The following BLNK variants were observed in gnomAD, a reference collection of about 807,000 sequenced individuals.
BLNK encodes B cell linker, also known as B-cell linker protein.
In BLNK, 29 loss-of-function variants were observed where a neutral mutation model predicts 73.5. The ratio of observed to expected loss-of-function variants is 0.39; its 90% CI spans 0.29 to 0.54. BLNK has a LOEUF of 0.54. Among genes scored for constraint, BLNK ranks in the 20% least tolerant of loss-of-function variants. The probability of loss-of-function intolerance (pLI) is 0.61; values close to 1 mark genes in which losing one functional copy is unlikely to be tolerated. For missense variants in BLNK, 460 were observed against 562.8 expected, an observed-to-expected ratio of 0.82 and a Z score of 1.85; for synonymous variants, 176 against 200.8, an observed-to-expected ratio of 0.88 and a Z score of 1.04.
intron 1 of BLNK, among the ~76,000 whole-genome samples, chr10:96,269,493 C>A (rs1554915040): frequency 6.6e-6 from 1 of 151,802 alleles, no homozygotes; most frequent in Non-Finnish European, 1.5e-5. Flanking sequence ...TTTGCCATGT[C>A]TTTCTGCCCT....
intron 5 of BLNK, among the ~76,000 whole-genome samples, chr10:96,224,913 G>A (rs111920434): frequency 0.014 from 2,104 of 152,098 alleles, 45 homozygotes; most frequent in African/African-American, 0.048. Context: ...GGCCAGGCTG[G>A]TTTTGAACTC....
At chr10:96,227,738 C>T (rs1554902924) in intron 4 of BLNK, among the ~76,000 whole-genome samples, 172 bp from the exon 5 acceptor site, 2 of 152,216 alleles carry the variant, frequency 1.3e-5, no homozygotes, top group Non-Finnish European at 2.9e-5. Context: ...TGAAGCAGGC[C>T]TTTCTGCCTC....
chr10:96,271,248 A>G, intron 1 of BLNK, 104 bp downstream of exon 1: 5 of 1,375,842 alleles, frequency 3.6e-6, no homozygotes, highest in Non-Finnish European at 5.2e-6. Flanking sequence ...CACCCACTGG[A>G]AACTAGCAAA....
At chr10:96,263,673 G>A (rs1554913526) in intron 1 of BLNK, among the ~76,000 whole-genome samples, 3 of 152,138 alleles carry the variant, frequency 2.0e-5, no homozygotes, top group African/African-American at 7.2e-5. Context: ...GAGGAGGAGG[G>A]GCTTGTGGGG....
At chr10:96,195,266 A>G (rs1807139805) in intron 16 of BLNK, among the ~76,000 whole-genome samples, 1 of 152,226 alleles carries the variant, frequency 6.6e-6, no homozygotes, top group African/African-American at 2.4e-5. Flanking sequence ...TTCTCAAAAA[A>G]TTAAAAATAG....
At chr10:96,250,556 T>A (rs1204307016) in intron 1 of BLNK, among the ~76,000 whole-genome samples, 3 of 152,090 alleles carry the variant, frequency 2.0e-5, no homozygotes, top group African/African-American at 7.2e-5. Flanking sequence ...GAATGGAGTA[T>A]CTTTAGGCTA....
Position 96,271,393 on chromosome 10 carries a change from G to A in BLNK, c.6C>T (p.Asp2=). The change falls in exon 1 of 17, where the codon GAC becomes GAT. Residue 2 remains aspartate, a synonymous_variant. Coordinates refer to ENST00000224337, the MANE Select transcript of BLNK (RefSeq NM_013314.4). M[D]KLNKITVPAS... The stretch of plus-strand genomic sequence containing the variant: ...CGGGGACGGTTATTTTATTAAGCTT[G>A]TCCATTCTGTTTGGTAATTGTAAGA... 2 of 1,614,116 alleles carry A rather than the reference G, an allele frequency of 1.2e-6. No homozygotes were observed. The highest frequency in any genetic ancestry group is 1.7e-6 in the Non-Finnish European group (2 of 1,179,992).
chr10:96,200,953 T>C lies in BLNK; in HGVS notation c.1011+29A>G. The C allele has an allele frequency of 6.3e-7, 1 of 1,595,894 alleles. No homozygotes were observed. Among genetic ancestry groups the C allele is most frequent in the East Asian group, 2.2e-5 (1 of 44,766 alleles). Reference sequence around the variant, plus strand: ...CTTTCCTGCAGTTTCCTGGTAACAATTTAGTGACATCAAGAGTTCATTTCA... The same window carrying C: ...CTTTCCTGCAGTTTCCTGGTAACAACTTAGTGACATCAAGAGTTCATTTCA... On this transcript the variant is annotated intron_variant, in intron 14 of 16. Transcript: ENST00000224337. This position sits in a 1 kb window ranked among gnomAD's most constrained non-coding sequence, Gnocchi z 4.3.
intron 2 of BLNK, among the ~76,000 whole-genome samples, chr10:96,243,306 A>T (rs186191418): frequency 5.5e-4 from 84 of 152,340 alleles, no homozygotes; most frequent in African/African-American, 1.9e-3. Context: ...GCACTTTGGG[A>T]GGCCAAGGCA....
At chr10:96,265,321 A>G (rs961627698) in intron 1 of BLNK, among the ~76,000 whole-genome samples, 4 of 152,036 alleles carry the variant, frequency 2.6e-5, no homozygotes, top group Admixed American at 2.6e-4. Flanking sequence ...AAGCCCTTGA[A>G]CTTCTTAATG....
chr10:96,213,605 A>G (rs2083996872), intron 8 of BLNK, among the ~76,000 whole-genome samples: 1 of 121,160 alleles, frequency 8.3e-6, no homozygotes, highest in Admixed American at 7.6e-5. Context: ...GTGTTTTAGG[A>G]AGAGGAGGTG....
chr10:96,194,241 CT>C (rs1554894132), intron 16 of BLNK, among the ~76,000 whole-genome samples: 2 of 152,218 alleles, frequency 1.3e-5, no homozygotes, highest in Non-Finnish European at 2.9e-5. Flanking sequence ...AAAAGCTAGA[CT>C]GCTGGAGAAG....
rs186901463 is a variant in BLNK, at chr10:96,271,240, C to T, written c.47+112G>A. On this transcript the variant is annotated intron_variant, in intron 1 of 16. Transcript: ENST00000224337. The stretch of plus-strand genomic sequence containing the variant: ...GTCCACTTCCCTATAGTAAGTGCCA[C>T]CCACTGGAAACTAGCAAAGCATTCC... The T allele has an allele frequency of 2.0e-3, 2,467 of 1,256,352 alleles. 5 individuals carry two copies. Among genetic ancestry groups the T allele is most frequent in the Middle Eastern group, 8.9e-3 (47 of 5,296 alleles). The allele number at this position is 1,256,352 out of a possible 1,614,324, so 77.8% of individuals were successfully genotyped here.
chr10:96,205,902 C>G (rs1244334464), intron 11 of BLNK, among the ~76,000 whole-genome samples: 2 of 152,120 alleles, frequency 1.3e-5, no homozygotes, highest in Non-Finnish European at 2.9e-5. Flanking sequence ...TACTTACTTC[C>G]TACAGATGCT....
At chr10:96,251,378 AAAAG>A (rs1272197315) in intron 1 of BLNK, among the ~76,000 whole-genome samples, 4 of 152,248 alleles carry the variant, frequency 2.6e-5, no homozygotes, top group African/African-American at 9.6e-5. Flanking sequence ...ATGCCATAGC[AAAAG>A]AATGCACAAC....
At chr10:96,228,972 T>C (rs1842387038) in intron 4 of BLNK, among the ~76,000 whole-genome samples, 1 of 151,978 alleles carries the variant, frequency 6.6e-6, no homozygotes, top group South Asian at 2.1e-4. Context: ...AGTAGGTATA[T>C]ATATATATGG....
Position 96,254,412 on chromosome 10 carries a change from C to A in BLNK, c.48-7363G>T, listed in dbSNP as rs555176590. Reference sequence around the variant, plus strand: ...GGGCACAGTGATGCTTCCAGCCTGCCTGCCTTCTCTTCCCAGGCAGCCTGG... The same window carrying A: ...GGGCACAGTGATGCTTCCAGCCTGCATGCCTTCTCTTCCCAGGCAGCCTGG... On this transcript the variant is annotated intron_variant, in intron 1 of 16. Transcript: ENST00000224337. Among the ~76,000 whole-genome samples the A allele has an allele frequency of 8.9e-4, 135 of 152,326 alleles. 4 individuals carry two copies. Among genetic ancestry groups the A allele is most frequent in the African/African-American group, 3.0e-3 (125 of 41,582 alleles).
intron 4 of BLNK, 52 bp downstream of exon 4, chr10:96,230,742 A>C: frequency 6.4e-7 from 1 of 1,568,366 alleles, no homozygotes; most frequent in East Asian, 2.3e-5. Flanking sequence ...GATCTTCAAA[A>C]GGCCTCCCAT....
rs2083330974 is a variant in BLNK, at chr10:96,191,607, G to A, written c.*366C>T. 5.1e-6 allele frequency: 1 copy of A among 197,694 alleles called. No homozygotes were observed. Among genetic ancestry groups the A allele is most frequent in the Non-Finnish European group, 1.0e-5 (1 of 96,718 alleles). 12.2% of individuals were successfully genotyped at this position (197,694 alleles called of 1,614,324 possible). On this transcript the variant is annotated 3_prime_UTR_variant, in exon 17 of 17. Coordinates refer to ENST00000224337, the MANE Select transcript of BLNK (RefSeq NM_013314.4). ...GGCAGTGGAGAGCCCAGCTACATTA[G>A]TGTACCAATGATCATTGTGGAGGTT...
Sources: gnomAD v4.1 joint callset for allele counts (sites outside exome capture counted in the v4.1 genomes callset) on GRCh38, gnomAD v4.1.1 for gene constraint, Gnocchi (gnomAD v3.1) non-coding constraint, MANE v1.5 for transcripts, NCBI Gene and HGNC (gene_info 2026-07-23, HGNC 2026-07-21) for gene names.